BTD: variants seen among roughly 807,000 people sequenced by gnomAD.
The protein encoded by BTD is biotinidase.
A neutral mutation model predicts 17.7 loss-of-function variants in BTD; 13 were observed. The observed-to-expected ratio is 0.74, with a 90% CI of 0.48 to 1.17. The LOEUF (loss-of-function observed/expected upper bound fraction) is 1.17. Ranked by LOEUF, BTD falls within the 50% of genes most tolerant of loss-of-function variation. BTD has a pLI of 0.00. For synonymous variants in BTD, 240 were observed against 245.2 expected (o/e 0.98, Z 0.20); for missense variants, 674 against 650.4 (o/e 1.04, Z -0.39).
downstream of BTD, chr3:15,713,541 A>G (rs1320257500): frequency 6.2e-7 from 1 of 1,611,192 alleles, no homozygotes; most frequent in East Asian, 2.2e-5. Flanking sequence ...CAGTGTCAGC[A>G]CCACTTGTAA....
At chr3:15,643,442 A>G (rs994149591) in intron 3 of BTD, among the ~76,000 whole-genome samples, 8 of 152,140 alleles carry the variant, frequency 5.3e-5, no homozygotes, top group Admixed American at 5.2e-4. Flanking sequence ...CGGAAGTTGC[A>G]GTGAGCCAAG....
rs912454728 is a variant in BTD at position 15,674,080 on chromosome 3, G to A, written c.399+32023G>A. Among the ~76,000 whole-genome samples the A allele has an allele frequency of 6.4e-5, 9 of 140,846 alleles. No homozygotes were observed. The South Asian group carries it at 1.9e-3, about 29-fold the overall frequency. The allele number at this position is 140,846 out of a possible 152,430, so 92.4% of individuals were successfully genotyped here. A position where few individuals can be genotyped will look rare whatever the true frequency, so the allele number is the denominator to read the frequency against. ...CTAGCTACTTGGGAGGCTGAGGTGA[G>A]AGGTTCTCTTGAGCCCAGGAGTTCA... is the stretch of plus-strand genomic sequence containing the variant. On this transcript the variant is annotated intron_variant, in intron 3 of 3. Coordinates refer to the BTD transcript ENST00000672141.
chr3:15,700,977 T>A (rs1318729012), intron 3 of BTD, among the ~76,000 whole-genome samples: 2 of 152,194 alleles, frequency 1.3e-5, no homozygotes, highest in African/African-American at 4.8e-5. Context: ...AATTATTCAG[T>A]GATAATTTGT....
intron 1 of BTD, among the ~76,000 whole-genome samples, chr3:15,611,744 C>T (rs781747219): frequency 6.6e-6 from 1 of 150,860 alleles, no homozygotes; most frequent in Non-Finnish European, 1.5e-5. Flanking sequence ...CACCACTGCA[C>T]TCCAACCTGG....
chr3:15,691,374 C>T (rs1457769576), intron 3 of BTD, among the ~76,000 whole-genome samples: 7 of 152,094 alleles, frequency 4.6e-5, no homozygotes, highest in Non-Finnish European at 8.8e-5. Flanking sequence ...CCGCCCGCCT[C>T]GGCCTCCCAA....
At chr3:15,606,509 T>A (rs953148972) in intron 1 of BTD, 29 of 152,242 alleles carry the variant, frequency 1.9e-4, no homozygotes, top group African/African-American at 6.5e-4. Flanking sequence ...GGCCTACTTC[T>A]GTGTCAAAAG....
At chr3:15,602,267 T>C (rs2064285523) in intron 1 of BTD, 1 of 1,232,848 alleles carries the variant, frequency 8.1e-7, no homozygotes, top group South Asian at 2.2e-5. Flanking sequence ...TCCTACCCAC[T>C]ATTCAGCCAT....
At position 15,635,070 on chromosome 3, in the gene BTD, A is replaced by G. The variant is rs370944380; in HGVS notation, c.-16-354A>G. 3.9e-5 allele frequency among the ~76,000 whole-genome samples: 6 copies of G among 152,310 alleles called. No individual in the cohort carries two copies. Among genetic ancestry groups the G allele is most frequent in the African/African-American group, 1.4e-4 (6 of 41,554 alleles). On this transcript the variant is annotated intron_variant, in intron 1 of 3. Transcript: ENST00000643237. The surrounding 1 kb of genome is among the most constrained non-coding windows in gnomAD (Gnocchi z 4.1). Reference sequence around the variant, plus strand: ...GAAATATATCACAGAATTATGTCAAATAATCTGGATAGTTACTACTGCTTA... The same window carrying G: ...GAAATATATCACAGAATTATGTCAAGTAATCTGGATAGTTACTACTGCTTA...
chr3:15,715,551 T>TAA (rs2072904554), downstream of BTD, among the ~76,000 whole-genome samples: 1 of 152,200 alleles, frequency 6.6e-6, no homozygotes, highest in South Asian at 2.1e-4. Flanking sequence ...ACAGAAGTTC[T>TAA]AATCTTTTGG....
chr3:15,621,186 A>C (rs1038359657), intron 1 of BTD, among the ~76,000 whole-genome samples: 1 of 152,170 alleles, frequency 6.6e-6, no homozygotes. Flanking sequence ...AGACTCACAC[A>C]CTCATCTCCT....
At chr3:15,660,804 G>A (rs79998276) in intron 3 of BTD, among the ~76,000 whole-genome samples, 14,430 of 152,102 alleles carry the variant, frequency 0.095, 766 homozygotes, top group Middle Eastern at 0.21. Flanking sequence ...CCTGGCAACC[G>A]CTGATCTTTT....
downstream of BTD, among the ~76,000 whole-genome samples, chr3:15,654,018 G>C (rs780053894): frequency 6.6e-6 from 1 of 152,156 alleles, no homozygotes; most frequent in African/African-American, 2.4e-5. Context: ...CACTGCGCCC[G>C]GCCAAGACTG....
At chr3:15,670,179 G>T in intron 3 of BTD, 1 of 1,391,742 alleles carries the variant, frequency 7.2e-7, no homozygotes, top group Non-Finnish European at 9.8e-7. Context: ...TTTCCTCTTA[G>T]GTTGAATTTC....
At chr3:15,686,116 C>T (rs1379176396) in intron 3 of BTD, 2 of 1,612,358 alleles carry the variant, frequency 1.2e-6, no homozygotes, top group South Asian at 1.1e-5. Context: ...GCATCAGAGG[C>T]GTCCTGAGCA....
intron 3 of BTD, chr3:15,667,149 T>A (rs1324790980): frequency 6.6e-6 from 1 of 152,346 alleles, no homozygotes; most frequent in East Asian, 1.9e-4. Context: ...GTCATTTTTT[T>A]ATTAGAAAAG....
chr3:15,603,424 G>A lies in BTD; in HGVS notation c.-17+1530G>A, dbSNP rs183063691. ...TGTAATCCCAGCACTTTGGGAGGCC[G>A]AGGCGGGCGGATCATGAGGTCAAGA... is the stretch of plus-strand genomic sequence containing the variant. On this transcript the variant is annotated intron_variant, in intron 1 of 3. Coordinates refer to ENST00000643237, the MANE Select transcript of BTD (RefSeq NM_001370658.1). Among the ~76,000 whole-genome samples, 94 of 152,292 alleles carry A rather than the reference G, an allele frequency of 6.2e-4. No individual in the cohort carries two copies. The East Asian group carries it at 0.013, about 21-fold the overall frequency.
chr3:15,619,905 G>T (rs1210470259), intron 1 of BTD, among the ~76,000 whole-genome samples: 1 of 152,154 alleles, frequency 6.6e-6, no homozygotes, highest in Non-Finnish European at 1.5e-5. Context: ...TTTATTAAGG[G>T]TTTCAAAAGG....
chr3:15,648,286 T>C lies in BTD; in HGVS notation c.*2798T>C, dbSNP rs1222420536. ...ATATAGGACAAAATAGGCATAAAAG[T>C]ATGAAATGTTTTGTGCACAAAGGCC... On this transcript the variant is annotated 3_prime_UTR_variant, in exon 4 of 4. Transcript: ENST00000643237. Among the ~76,000 whole-genome samples, 1 of 151,832 alleles carries C rather than the reference T, an allele frequency of 6.6e-6. No homozygotes were observed. Among genetic ancestry groups the C allele is most frequent in the Non-Finnish European group, 1.5e-5 (1 of 67,932 alleles).
At chr3:15,677,717 T>C in intron 3 of BTD, 1 of 481,846 alleles carries the variant, frequency 2.1e-6, no homozygotes, top group South Asian at 3.5e-5. Context: ...CATATATATC[T>C]TCATATAATT....
Sources: gnomAD v4.1 joint callset for allele counts (sites outside exome capture counted in the v4.1 genomes callset) on GRCh38, gnomAD v4.1.1 for gene constraint, Gnocchi (gnomAD v3.1) non-coding constraint, MANE v1.5 for transcripts, NCBI Gene and HGNC (gene_info 2026-07-23, HGNC 2026-07-21) for gene names.